PDS5A: variants seen among roughly 807,000 people sequenced by gnomAD.
PDS5A encodes PDS5 cohesin associated factor A.
Under a neutral mutation model 167.1 loss-of-function variants are expected in PDS5A, and 42 were observed. The observed-to-expected ratio is 0.25, with a 90% confidence interval of 0.20 to 0.33. The LOEUF is 0.33. PDS5A is among the 10% of genes least tolerant of loss of function. PDS5A has a pLI of 1.00. For synonymous variants in PDS5A, 553 were observed against 554.6 expected, an observed-to-expected ratio of 1.00 and a Z score of 0.04; for missense variants, 1,033 against 1,605.9, an observed-to-expected ratio of 0.64 and a Z score of 6.10.
chr4:39,930,246 A>AAAAAAAAAATTTTTTT, intron 2 of PDS5A, among the ~76,000 whole-genome samples: 2 of 93,090 alleles, frequency 2.1e-5, no homozygotes, highest in African/African-American at 3.7e-5. Context: ...AAAAAAAAAA[A>AAAAAAAAAATTTTTTT]GTTTTTTTGT....
At chr4:39,866,605 G>C (rs191027326) in intron 23 of PDS5A, among the ~76,000 whole-genome samples, 1 of 152,150 alleles carries the variant, frequency 6.6e-6, no homozygotes, top group Admixed American at 6.5e-5. Context: ...GATGCTAACT[G>C]TAATAGTACA....
At chr4:39,930,259 T>G (rs1298370255) in intron 2 of PDS5A, among the ~76,000 whole-genome samples, 2 of 133,172 alleles carry the variant, frequency 1.5e-5, no homozygotes, top group African/African-American at 5.2e-5. Context: ...TTTTTTGTTT[T>G]TTGTTTTTTT....
intron 2 of PDS5A, among the ~76,000 whole-genome samples, chr4:39,963,863 G>A (rs748329160): frequency 6.6e-5 from 10 of 151,924 alleles, no homozygotes; most frequent in Admixed American, 4.0e-4. Context: ...GAGAGGGAGC[G>A]TCAAGAAATA....
At position 39,977,025 on chromosome 4, in the gene PDS5A, T is replaced by C. The variant is rs758527515; in HGVS notation, c.-40-408A>G. 2.6e-5 allele frequency among the ~76,000 whole-genome samples: 4 copies of C among 152,148 alleles called. No individual in the cohort carries two copies. Among genetic ancestry groups the C allele is most frequent in the South Asian group, 2.1e-4 (1 of 4,818 alleles). On this transcript the variant is annotated intron_variant, in intron 1 of 32. Coordinates refer to ENST00000303538, the MANE Select transcript of PDS5A (RefSeq NM_001100399.2). This position sits in a 1 kb window ranked among gnomAD's most constrained non-coding sequence, Gnocchi z 4.2. ...TCCGGGAAACCAGACCCGAGGCCTA[T>C]AGGGCTCGGCTTAGGCCGCAAAACT...
intron 22 of PDS5A, among the ~76,000 whole-genome samples, chr4:39,867,731 AAAAC>A (rs1560439769): frequency 1.5e-5 from 1 of 67,376 alleles, no homozygotes; most frequent in African/African-American, 6.2e-5. Context: ...TAAAAAAACC[AAAAC>A]ACACACACAC....
intron 2 of PDS5A, among the ~76,000 whole-genome samples, chr4:39,955,265 A>T (rs1050349811): frequency 1.3e-5 from 2 of 152,116 alleles, no homozygotes; most frequent in African/African-American, 4.8e-5. Context: ...CAATACACGA[A>T]TATGGACTTT....
At chr4:39,963,931 C>A (rs1364103074) in intron 2 of PDS5A, among the ~76,000 whole-genome samples, 2 of 151,886 alleles carry the variant, frequency 1.3e-5, no homozygotes, top group Admixed American at 6.6e-5. Flanking sequence ...CCCCCCAGAC[C>A]GACTCTCGCT....
chr4:39,973,255 A>C, intron 2 of PDS5A: 1 of 1,376,866 alleles, frequency 7.3e-7, no homozygotes. Context: ...CGAGCATATG[A>C]ACATTTGCTT....
intron 26 of PDS5A, among the ~76,000 whole-genome samples, chr4:39,850,585 G>C (rs1045822080): frequency 2.6e-5 from 4 of 152,160 alleles, no homozygotes; most frequent in African/African-American, 9.7e-5. Context: ...TTGATTATTT[G>C]TAAGCTATGC....
intron 18 of PDS5A, among the ~76,000 whole-genome samples, chr4:39,878,996 C>A (rs942747498): frequency 3.3e-5 from 5 of 152,174 alleles, no homozygotes; most frequent in Non-Finnish European, 1.5e-5. Context: ...CCCGCCTCGG[C>A]CTCCCAAAGT....
At chr4:39,949,264 T>C (rs1308598542) in intron 2 of PDS5A, among the ~76,000 whole-genome samples, 3 of 127,180 alleles carry the variant, frequency 2.4e-5, no homozygotes, top group Non-Finnish European at 3.1e-5. Context: ...ATGGAGCCAC[T>C]ACATTTTAGC....
At chr4:39,968,353 T>TC (rs1244491579) in intron 2 of PDS5A, among the ~76,000 whole-genome samples, 1 of 150,612 alleles carries the variant, frequency 6.6e-6, no homozygotes, top group African/African-American at 2.4e-5. Context: ...GATTCTTTTT[T>TC]TTTTTTTTTG....
In PDS5A at chr4:39,838,150, C is replaced by T; in HGVS notation, c.3716G>A (p.Arg1239Lys). 6.2e-7 allele frequency: 1 copy of T among 1,613,306 alleles called. No individual in the cohort carries two copies. Among genetic ancestry groups the T allele is most frequent in the African/African-American group, 1.3e-5 (1 of 75,024 alleles). ...CTCTGCACCAGCTGCTGTTACTGTT[C>T]TTTTCTTTCCTCGGTCACTGCTGAT... ...GNISSDRGKK[R>K]TVTAAGAENI... is the part of the protein sequence containing the mutation. The change falls in exon 32 of 33, where the codon AGA becomes AAA. Residue 1239 changes from arginine (R) to lysine (K), a missense_variant. Arg to Lys is a conservative substitution (Grantham distance 26). This residue lies in a region of PDS5A where 233 missense variants were observed against 264.0 expected (regional missense o/e 0.88). Transcript: ENST00000303538.
chr4:39,952,444 T>C (rs538703123), intron 2 of PDS5A, among the ~76,000 whole-genome samples: 1 of 152,214 alleles, frequency 6.6e-6, no homozygotes, highest in Admixed American at 6.6e-5. Context: ...TCAGCAAGTA[T>C]AAAATTAAAA....
intron 2 of PDS5A, among the ~76,000 whole-genome samples, chr4:39,930,973 A>G (rs1318428978): frequency 6.6e-6 from 1 of 152,142 alleles, no homozygotes; most frequent in Non-Finnish European, 1.5e-5. Flanking sequence ...TTGAGAAATT[A>G]GATAAATCCA....
chr4:39,977,577 G>GCCGCCGCCGC lies in PDS5A; in HGVS notation c.-162_-161insGCGGCGGCGG, dbSNP rs534209628. The GCCGCCGCCGC allele has an allele frequency of 2.5e-5, 4 of 161,810 alleles. No homozygotes were observed. Among genetic ancestry groups the GCCGCCGCCGC allele is most frequent in the Non-Finnish European group, 3.9e-5 (3 of 76,682 alleles). 10.0% of individuals were successfully genotyped at this position (161,810 alleles called of 1,614,324 possible). On this transcript the variant is annotated 5_prime_UTR_variant, in exon 1 of 33. Transcript: ENST00000303538. This position sits in a 1 kb window ranked among gnomAD's most constrained non-coding sequence, Gnocchi z 4.2. ...CGCGGGTCCCGCCGCCGCCGCCGCC[G>GCCGCCGCCGC]CCGCCCGCCCGCCCGGGAGCGGCGC...
In PDS5A at chr4:39,900,375, T is replaced by A. The variant is rs1578699807; in HGVS notation, c.1581+51A>T. 1.3e-5 allele frequency: 15 copies of A among 1,144,632 alleles called. No homozygotes were observed. In the East Asian group the frequency reaches 3.8e-4, roughly 29 times the overall value. 70.9% of individuals were successfully genotyped at this position (1,144,632 alleles called of 1,614,324 possible). Reference sequence around the variant, plus strand: ...CTTCATTACGTAGAACTACAGAAAATCTGAACAGTGACTATAATAAACTAT... The same window carrying A: ...CTTCATTACGTAGAACTACAGAAAAACTGAACAGTGACTATAATAAACTAT... On this transcript the variant is annotated intron_variant, in intron 14 of 32. Transcript: ENST00000303538.
chr4:39,925,322 A>G (rs997455100), intron 5 of PDS5A, among the ~76,000 whole-genome samples: 10 of 152,326 alleles, frequency 6.6e-5, no homozygotes, highest in African/African-American at 1.2e-4. Flanking sequence ...CTATAAAGAG[A>G]AGGCCAATTT....
chr4:39,967,057 C>T lies in PDS5A; in HGVS notation c.138+9383G>A, dbSNP rs482994. Among the ~76,000 whole-genome samples the T allele has an allele frequency of 4.6e-5, 7 of 150,936 alleles. 1 individual carries two copies. The highest frequency in any genetic ancestry group is 2.6e-4 in the Admixed American group (4 of 15,146). On this transcript the variant is annotated intron_variant, in intron 2 of 32. Coordinates refer to ENST00000303538, the MANE Select transcript of PDS5A (RefSeq NM_001100399.2). ...TGGTGGCTCACGCCTGTAATCCCAG[C>T]GCTTTGGGAGGCCGAGGTGGGTGGA... is the stretch of plus-strand genomic sequence containing the variant.
Sources: gnomAD v4.1 joint callset for allele counts (sites outside exome capture counted in the v4.1 genomes callset) on GRCh38, gnomAD v4.1.1 for gene constraint, gnomAD v4.1.1 regional missense constraint, Gnocchi (gnomAD v3.1) non-coding constraint, MANE v1.5 for transcripts, NCBI Gene and HGNC (gene_info 2026-07-23, HGNC 2026-07-21) for gene names.